MACROD2: variants seen among roughly 807,000 people sequenced by gnomAD.
MACROD2 encodes the protein ADP-ribose glycohydrolase MACROD2.
In MACROD2, 36 loss-of-function variants were observed where a neutral mutation model predicts 70.4. The ratio of observed to expected loss-of-function variants is 0.51; its 90% CI spans 0.39 to 0.68. The LOEUF (loss-of-function observed/expected upper bound fraction) is 0.68, where lower values mean the gene tolerates loss of function less well. MACROD2 is among the 30% of genes least tolerant of loss of function. MACROD2 has a pLI of 0.00. For synonymous variants in MACROD2, 172 were observed against 178.8 expected, an observed-to-expected ratio of 0.96 and a Z score of 0.30; for missense variants, 496 against 538.4, an observed-to-expected ratio of 0.92 and a Z score of 0.78.
chr20:14,232,056 A>G (rs1012852952), intron 3 of MACROD2, among the ~76,000 whole-genome samples: 4 of 151,964 alleles, frequency 2.6e-5, no homozygotes, highest in African/African-American at 9.7e-5. Context: ...TTGTCAGATG[A>G]GTAGATTGCA....
chr20:14,280,427 T>A (rs2082297695), intron 3 of MACROD2, among the ~76,000 whole-genome samples: 1 of 152,162 alleles, frequency 6.6e-6, no homozygotes, highest in Non-Finnish European at 1.5e-5. Context: ...AGAATTATGA[T>A]TGTGCAATGC....
intron 6 of MACROD2, among the ~76,000 whole-genome samples, chr20:15,360,902 G>T: frequency 6.7e-6 from 1 of 149,906 alleles, no homozygotes; most frequent in Admixed American, 6.7e-5. Flanking sequence ...TTTCTAGTTG[G>T]ACCATTTGTA....
At chr20:14,093,200 C>A (rs2054176260) in intron 3 of MACROD2, among the ~76,000 whole-genome samples, 1 of 152,066 alleles carries the variant, frequency 6.6e-6, no homozygotes, top group African/African-American at 2.4e-5. Flanking sequence ...CCTGCCTCAG[C>A]CTCCCAAGTG....
chr20:14,473,457 A>C (rs1237705076), intron 3 of MACROD2, among the ~76,000 whole-genome samples: 1 of 152,160 alleles, frequency 6.6e-6, no homozygotes, highest in Non-Finnish European at 1.5e-5. Context: ...CAGTTCATCC[A>C]TATTGTTGCA....
At chr20:15,927,862 G>A (rs1012609670) in intron 10 of MACROD2, among the ~76,000 whole-genome samples, 12 of 152,064 alleles carry the variant, frequency 7.9e-5, no homozygotes, top group African/African-American at 1.7e-4. Flanking sequence ...TCTTCCTAAA[G>A]CCATTAAGCA....
At chr20:14,082,485 C>T (rs1234698071) in intron 2 of MACROD2, among the ~76,000 whole-genome samples, 1 of 152,068 alleles carries the variant, frequency 6.6e-6, no homozygotes, top group East Asian at 1.9e-4. Context: ...AGCCACCGCG[C>T]CTGGCCCTCC....
Position 14,753,786 on chromosome 20 carries a change from C to T in MACROD2, c.418+68827C>T, listed in dbSNP as rs549649494. ...TAATATCAGACCATAAAAGACAATC[C>T]TTTACAATCCTGCCTTATTCAGTAG... is the stretch of plus-strand genomic sequence containing the variant. On this transcript the variant is annotated intron_variant, in intron 5 of 17. Transcript: ENST00000684519. Among the ~76,000 whole-genome samples the T allele has an allele frequency of 1.3e-5, 2 of 152,116 alleles. 1 individual carries two copies. The highest frequency in any genetic ancestry group is 4.2e-4 in the South Asian group (2 of 4,818).
At chr20:14,203,711 G>A (rs1257209556) in intron 3 of MACROD2, among the ~76,000 whole-genome samples, 2 of 152,222 alleles carry the variant, frequency 1.3e-5, no homozygotes, top group African/African-American at 2.4e-5. Context: ...AGTGGAGGCT[G>A]TGGTGAGGCT....
chr20:14,178,423 A>G (rs2081281050), intron 3 of MACROD2, among the ~76,000 whole-genome samples: 1 of 152,230 alleles, frequency 6.6e-6, no homozygotes, highest in Non-Finnish European at 1.5e-5. Context: ...GTTATGAAAA[A>G]ATAGCAAAGT....
chr20:14,200,378 A>G lies in MACROD2; in HGVS notation c.271+114650A>G, dbSNP rs189766342. 5.6e-3 allele frequency among the ~76,000 whole-genome samples: 851 copies of G among 152,202 alleles called. 18 individuals are homozygous for G. The highest frequency in any genetic ancestry group is 0.038 in the Admixed American group (585 of 15,286). The stretch of plus-strand genomic sequence containing the variant: ...ACACACACTGGGGCCTATCAGAGGG[A>G]GGAGGTTGGGATGTTGGGATGAGGG... On this transcript the variant is annotated intron_variant, in intron 3 of 17. Coordinates refer to ENST00000684519, the MANE Select transcript of MACROD2 (RefSeq NM_001351661.2).
intron 5 of MACROD2, among the ~76,000 whole-genome samples, chr20:14,791,040 C>T (rs540403175): frequency 1.3e-5 from 2 of 152,158 alleles, no homozygotes; most frequent in Admixed American, 6.5e-5. Flanking sequence ...GCAGGGCAGC[C>T]GCAGGGTCTG....
chr20:15,969,817 A>G (rs2066202298), intron 13 of MACROD2, among the ~76,000 whole-genome samples: 1 of 152,062 alleles, frequency 6.6e-6, no homozygotes, highest in African/African-American at 2.4e-5. Flanking sequence ...ACACTGATGA[A>G]GGACATCATG....
intron 5 of MACROD2, among the ~76,000 whole-genome samples, chr20:14,857,318 C>T (rs1188094649): frequency 6.6e-6 from 1 of 152,176 alleles, no homozygotes; most frequent in Admixed American, 6.5e-5. Context: ...CACACACAGG[C>T]GTTGAGGGGC....
chr20:15,700,355 G>C (rs2050439006), intron 8 of MACROD2, among the ~76,000 whole-genome samples: 1 of 152,208 alleles, frequency 6.6e-6, no homozygotes, highest in Admixed American at 6.5e-5. Flanking sequence ...AGGCTGCAAG[G>C]ACGCGGCACT....
chr20:14,118,945 A>G (rs939797919), intron 3 of MACROD2, among the ~76,000 whole-genome samples: 6 of 150,680 alleles, frequency 4.0e-5, no homozygotes, highest in Non-Finnish European at 8.8e-5. Context: ...TCCCAGGTTC[A>G]AGCAATTCTC....
At chr20:14,926,439 A>G (rs1256591469) in intron 5 of MACROD2, among the ~76,000 whole-genome samples, 1 of 151,890 alleles carries the variant, frequency 6.6e-6, no homozygotes, top group Non-Finnish European at 1.5e-5. Flanking sequence ...AGTCCCAGCT[A>G]CTCAGGAGAC....
rs144428740 is a variant in MACROD2 at position 14,585,557 on chromosome 20, T to C, written c.301+92049T>C. On this transcript the variant is annotated intron_variant, in intron 4 of 17. Coordinates refer to ENST00000684519, the MANE Select transcript of MACROD2 (RefSeq NM_001351661.2). ...ATAATATATAATGGGATATATTATA[T>C]GTATTTTGGCTTTACTTCTTCATTT... 5.5e-3 allele frequency among the ~76,000 whole-genome samples: 835 copies of C among 152,156 alleles called. 9 individuals carry two copies. The highest frequency in any genetic ancestry group is 0.019 in the African/African-American group (780 of 41,536).
chr20:15,175,124 T>C (rs1005627498), intron 5 of MACROD2, among the ~76,000 whole-genome samples: 2 of 152,034 alleles, frequency 1.3e-5, no homozygotes, highest in Non-Finnish European at 2.9e-5. Context: ...TCATGTCCTT[T>C]GTAGGAACAC....
chr20:14,191,155 C>G (rs2081384953), intron 3 of MACROD2, among the ~76,000 whole-genome samples: 1 of 152,134 alleles, frequency 6.6e-6, no homozygotes, highest in African/African-American at 2.4e-5. Flanking sequence ...GCCTCAGGCT[C>G]TTGTGCCTCC....
Sources: allele counts gnomAD v4.1 joint callset (sites outside exome capture counted in the v4.1 genomes callset), GRCh38; gene constraint gnomAD v4.1.1; transcripts MANE v1.5; gene names NCBI Gene and HGNC (gene_info 2026-07-23, HGNC 2026-07-21).